ZNF407: variants seen among roughly 807,000 people sequenced by gnomAD.
ZNF407 encodes zinc finger protein 407.
In ZNF407, 17 loss-of-function variants were observed where a neutral mutation model predicts 131.2. The ratio of observed to expected loss-of-function variants is 0.13; its 90% CI spans 0.09 to 0.19. ZNF407 has a LOEUF of 0.19. ZNF407 is among the 10% of genes least tolerant of loss of function. The pLI is 1.00. For missense variants in ZNF407, 2,681 were observed against 2,830.6 expected (o/e 0.95, Z 1.20); for synonymous variants, 1,156 against 1,062.0 (o/e 1.09, Z -1.72).
At chr18:74,968,397 T>C (rs948752381) in intron 8 of ZNF407, among the ~76,000 whole-genome samples, 6 of 152,228 alleles carry the variant, frequency 3.9e-5, no homozygotes, top group Non-Finnish European at 8.8e-5. Flanking sequence ...TCTGCTTCTC[T>C]TGTTTCTTTT....
chr18:74,884,986 A>G (rs2145190135), intron 6 of ZNF407, among the ~76,000 whole-genome samples: 1 of 152,300 alleles, frequency 6.6e-6, no homozygotes, highest in South Asian at 2.1e-4. Context: ...AATAGCAGTG[A>G]GTTTTAATGC....
At chr18:74,873,800 G>A (rs1014311544) in intron 4 of ZNF407, among the ~76,000 whole-genome samples, 1 of 152,112 alleles carries the variant, frequency 6.6e-6, no homozygotes, top group Admixed American at 6.5e-5. Flanking sequence ...GCATGAGAAG[G>A]GGCCTTATTC....
intron 8 of ZNF407, among the ~76,000 whole-genome samples, chr18:74,958,128 G>A (rs551902591): frequency 6.6e-5 from 10 of 152,290 alleles, no homozygotes; most frequent in Non-Finnish European, 1.0e-4. Flanking sequence ...GACTCTGGAC[G>A]TCTTTGAGTA....
intron 2 of ZNF407, among the ~76,000 whole-genome samples, chr18:74,639,396 A>G (rs968560459): frequency 2.6e-5 from 4 of 152,348 alleles, no homozygotes; most frequent in Middle Eastern, 6.8e-3. Context: ...TGGAGCATTG[A>G]AATTTAAAGT....
At chr18:74,708,381 C>T (rs1309983296) in intron 3 of ZNF407, among the ~76,000 whole-genome samples, 1 of 152,090 alleles carries the variant, frequency 6.6e-6, no homozygotes, top group African/African-American at 2.4e-5. Flanking sequence ...CCTGGTAATC[C>T]CATCAGTTAC....
At chr18:74,939,336 G>A (rs996440885) in intron 8 of ZNF407, among the ~76,000 whole-genome samples, 2 of 152,214 alleles carry the variant, frequency 1.3e-5, no homozygotes, top group East Asian at 1.9e-4. Flanking sequence ...GATAATCACT[G>A]TGTTTTCTGT....
At chr18:74,640,281 T>A (rs1984651396) in intron 2 of ZNF407, among the ~76,000 whole-genome samples, 4 of 152,146 alleles carry the variant, frequency 2.6e-5, no homozygotes, top group Admixed American at 2.6e-4. Context: ...GAGTATAGTT[T>A]AATCTTAATT....
At chr18:74,691,632 G>A (rs911942808) in intron 3 of ZNF407, among the ~76,000 whole-genome samples, 1 of 152,006 alleles carries the variant, frequency 6.6e-6, no homozygotes, top group South Asian at 2.1e-4. Context: ...GAGGATTAAA[G>A]TCTGAATGAT....
intron 4 of ZNF407, among the ~76,000 whole-genome samples, chr18:74,861,839 T>C (rs1382598574): frequency 6.6e-6 from 1 of 152,222 alleles, no homozygotes; most frequent in Non-Finnish European, 1.5e-5. Context: ...GTAATGATTT[T>C]GTGAATATGG....
intron 3 of ZNF407, among the ~76,000 whole-genome samples, chr18:74,673,830 T>C (rs1158249748): frequency 6.6e-6 from 1 of 152,240 alleles, no homozygotes; most frequent in Non-Finnish European, 1.5e-5. Context: ...TTCATTGTTA[T>C]TTACTTAAAG....
chr18:74,834,545 A>C (rs746180042), intron 4 of ZNF407, among the ~76,000 whole-genome samples: 2 of 152,230 alleles, frequency 1.3e-5, no homozygotes, highest in Non-Finnish European at 2.9e-5. Context: ...CTGGATGAAC[A>C]GGGCCCCCTT....
At chr18:74,749,364 C>G (rs1212263581) in intron 3 of ZNF407, among the ~76,000 whole-genome samples, 1 of 152,152 alleles carries the variant, frequency 6.6e-6, no homozygotes, top group Non-Finnish European at 1.5e-5. Context: ...ACTACTTCAT[C>G]AACGATGTTG....
At chr18:74,907,359 G>T (rs1971609970) in intron 7 of ZNF407, among the ~76,000 whole-genome samples, 1 of 152,148 alleles carries the variant, frequency 6.6e-6, no homozygotes, top group African/African-American at 2.4e-5. Context: ...CAGACTCTGG[G>T]GAAGTGTCTG....
At chr18:75,040,008 C>T (rs1973354653) in intron 8 of ZNF407, among the ~76,000 whole-genome samples, 1 of 152,026 alleles carries the variant, frequency 6.6e-6, no homozygotes. Context: ...CTCACAGCTA[C>T]CTTGTTGGTC....
chr18:74,963,714 C>T (rs1972376253), intron 8 of ZNF407, among the ~76,000 whole-genome samples: 3 of 152,152 alleles, frequency 2.0e-5, no homozygotes, highest in Non-Finnish European at 2.9e-5. Flanking sequence ...TATTATAAAA[C>T]AATATCTATG....
chr18:74,633,493 G>C lies in ZNF407; in HGVS notation c.2474G>C (p.Gly825Ala). 1 of 1,613,988 alleles carries C rather than the reference G, an allele frequency of 6.2e-7. No individual in the cohort carries two copies. The highest frequency in any genetic ancestry group is 8.5e-7 in the Non-Finnish European group (1 of 1,179,882). ...MLASEELSQS[G>A]GSTKDDELAS... Reference sequence around the variant, plus strand: ...GCGTCTGAGGAACTGTCACAGTCTGGTGGTAGCACCAAAGATGATGAATTA... The same window carrying C: ...GCGTCTGAGGAACTGTCACAGTCTGCTGGTAGCACCAAAGATGATGAATTA... Residue 825 changes from glycine (G) to alanine (A), a missense_variant, in exon 2 of 9, where the codon GGT becomes GCT. Gly to Ala is a moderately conservative substitution (Grantham distance 60). Transcript: ENST00000299687.
intron 8 of ZNF407, among the ~76,000 whole-genome samples, chr18:74,938,136 C>T (rs1287282281): frequency 6.6e-6 from 1 of 152,150 alleles, no homozygotes; most frequent in Non-Finnish European, 1.5e-5. Context: ...TACATTGCTC[C>T]TTTGGCTTCT....
chr18:75,016,379 G>T (rs1050011152), intron 8 of ZNF407, among the ~76,000 whole-genome samples: 2 of 152,050 alleles, frequency 1.3e-5, no homozygotes, highest in African/African-American at 4.8e-5. Flanking sequence ...ACACTATGTA[G>T]TTTCAACTTA....
chr18:74,760,095 G>T lies in ZNF407; in HGVS notation c.4803-21333G>T, dbSNP rs570165919. On this transcript the variant is annotated intron_variant, in intron 3 of 8. Transcript: ENST00000299687. ...CTCCTCAGAGTTTACTTTTGTTGAT[G>T]CTGTTTAGTGACTATTCTGAATGTA... Among the ~76,000 whole-genome samples the T allele has an allele frequency of 3.9e-5, 6 of 152,110 alleles. No individual in the cohort carries two copies. The East Asian group carries it at 1.2e-3, about 29-fold the overall frequency.
Sources: allele counts gnomAD v4.1 joint callset (sites outside exome capture counted in the v4.1 genomes callset), GRCh38; gene constraint gnomAD v4.1.1; transcripts MANE v1.5; gene names NCBI Gene and HGNC (gene_info 2026-07-23, HGNC 2026-07-21).